The following CRISPLD2 variants were observed in gnomAD, a reference collection of about 807,000 sequenced individuals.
CRISPLD2 encodes the protein cysteine-rich secretory protein LCCL domain-containing 2.
A neutral mutation model predicts 71.1 loss-of-function variants in CRISPLD2; 47 were observed. The ratio of observed to expected loss-of-function variants is 0.66; its 90% CI spans 0.52 to 0.84. The LOEUF is 0.84. Ranked by LOEUF, CRISPLD2 falls within the 40% of genes least tolerant of loss-of-function variation. CRISPLD2 has a pLI of 0.00. For synonymous variants in CRISPLD2, 317 were observed against 250.1 expected (o/e 1.27, Z -2.52); for missense variants, 830 against 651.1 (o/e 1.27, Z -2.99).
chr16:84,848,278 G>A (rs550948663), intron 3 of CRISPLD2, among the ~76,000 whole-genome samples: 15 of 152,294 alleles, frequency 9.8e-5, no homozygotes, highest in East Asian at 9.7e-4. Flanking sequence ...GCCCGCTGCC[G>A]TGCGCTCCGC....
At chr16:84,905,507 C>G (rs563659140) in intron 14 of CRISPLD2, among the ~76,000 whole-genome samples, 4 of 151,826 alleles carry the variant, frequency 2.6e-5, no homozygotes, top group East Asian at 3.9e-4. Flanking sequence ...TCAAGTGATT[C>G]TCCTGCCTCA....
At chr16:84,850,409 A>G (rs1917052503) in intron 4 of CRISPLD2, among the ~76,000 whole-genome samples, 159 bp from the exon 5 acceptor site, 1 of 152,128 alleles carries the variant, frequency 6.6e-6, no homozygotes, top group Non-Finnish European at 1.5e-5. Context: ...CTTTTTAAGA[A>G]AATGTATGTA....
chr16:84,891,625 T>G (rs2071663591), intron 14 of CRISPLD2, among the ~76,000 whole-genome samples: 1 of 138,082 alleles, frequency 7.2e-6, no homozygotes, highest in Non-Finnish European at 1.5e-5. Flanking sequence ...TGTACCCTCT[T>G]TGAGAGAAAA....
rs201351334 is a variant in CRISPLD2 at position 84,877,517 on chromosome 16, C to G, written c.1229+7C>G. On this transcript the variant is annotated splice_region_variant and intron_variant, in intron 12 of 14. Coordinates refer to ENST00000262424, the MANE Select transcript of CRISPLD2 (RefSeq NM_031476.4). ...CAGCAACTCACTGCCCAAGGTAAGG[C>G]GGGCCTGATCTGTCATCTTTTCTAT... is the stretch of plus-strand genomic sequence containing the variant. 4 of 1,613,248 alleles carry G rather than the reference C, an allele frequency of 2.5e-6. No homozygotes were observed. Among genetic ancestry groups the G allele is most frequent in the East Asian group, 2.2e-5 (1 of 44,850 alleles).
rs2143402507 is a variant in CRISPLD2, at chr16:84,906,830, A to T, written c.*188A>T. The T allele has an allele frequency of 2.8e-6, 2 of 721,240 alleles. No individual in the cohort carries two copies. The highest frequency in any genetic ancestry group is 1.7e-5 in the African/African-American group (1 of 57,318). 44.7% of individuals were successfully genotyped at this position (721,240 alleles called of 1,614,324 possible). A position where few individuals can be genotyped will look rare whatever the true frequency, so the allele number is the denominator to read the frequency against. On this transcript the variant is annotated 3_prime_UTR_variant, in exon 15 of 15. Coordinates refer to ENST00000262424, the MANE Select transcript of CRISPLD2 (RefSeq NM_031476.4). ...CCCTCACTGAAGCAACAGCATCCCA[A>T]GGTGCTCAGCCGGACTCCCTGGTGC...
At chr16:84,887,226 A>G (rs1018499790) in intron 13 of CRISPLD2, among the ~76,000 whole-genome samples, 6 of 152,202 alleles carry the variant, frequency 3.9e-5, no homozygotes, top group Non-Finnish European at 8.8e-5. Flanking sequence ...TGAGTGACCC[A>G]TTGGTGGGGG....
intron 14 of CRISPLD2, among the ~76,000 whole-genome samples, chr16:84,898,158 T>C (rs779812245): frequency 6.9e-4 from 105 of 152,330 alleles, no homozygotes; most frequent in Middle Eastern, 3.4e-3. Flanking sequence ...CTGTGCACTT[T>C]CTTGCCGATT....
chr16:84,889,171 T>C, intron 13 of CRISPLD2, 59 bp from the exon 14 acceptor site: 1 of 1,611,934 alleles, frequency 6.2e-7, no homozygotes, highest in Non-Finnish European at 8.5e-7. Flanking sequence ...GAGCCCCAGC[T>C]GGCTTGACCC....
At chr16:84,899,516 GGGGAATTTTTCTTGGTGCCCAAACCTGC>G (rs2071735047) in intron 14 of CRISPLD2, among the ~76,000 whole-genome samples, 1 of 152,310 alleles carries the variant, frequency 6.6e-6, no homozygotes. Context: ...CACTGAAGGT[GGGGAATTTTTCTTGGTGCCCAAACCTGC>G]GGGAATTTTT....
At chr16:84,840,664 G>A (rs1206319775) in intron 2 of CRISPLD2, among the ~76,000 whole-genome samples, 1 of 151,962 alleles carries the variant, frequency 6.6e-6, no homozygotes, top group East Asian at 1.9e-4. Context: ...GCACCACCAC[G>A]CCAGGCTAAT....
rs534697985 is a variant in CRISPLD2 at position 84,908,562 on chromosome 16, C to T, written c.*1920C>T. 2 of 152,308 alleles carry T rather than the reference C, an allele frequency of 1.3e-5. No individual in the cohort carries two copies. Among genetic ancestry groups the T allele is most frequent in the East Asian group, 3.9e-4 (2 of 5,180 alleles). The allele number at this position is 152,308 out of a possible 1,614,324, so 9.4% of individuals were successfully genotyped here. On this transcript the variant is annotated 3_prime_UTR_variant, in exon 15 of 15. Transcript: ENST00000262424. The stretch of plus-strand genomic sequence containing the variant: ...CATCCCACTCAAGGGAGACTTGAAA[C>T]TTCCAGTGTGAGTTGACCCCATCAT...
chr16:84,872,606 C>A, intron 9 of CRISPLD2, 98 bp downstream of exon 9: 1 of 1,063,542 alleles, frequency 9.4e-7, no homozygotes, highest in Non-Finnish European at 1.4e-6. Context: ...ATTTTCTTTC[C>A]ACTCCTTAGT....
intron 13 of CRISPLD2, among the ~76,000 whole-genome samples, chr16:84,882,018 G>A (rs2071572776): frequency 6.6e-6 from 1 of 152,088 alleles, no homozygotes; most frequent in South Asian, 2.1e-4. Flanking sequence ...CTAAAATTGA[G>A]TTATAAGAGT....
intron 1 of CRISPLD2, among the ~76,000 whole-genome samples, chr16:84,832,518 T>C (rs1049654953): frequency 6.6e-6 from 1 of 152,280 alleles, no homozygotes; most frequent in African/African-American, 2.4e-5. Context: ...AAACACTGAC[T>C]TAGACATCGA....
rs1163951557 is a variant in CRISPLD2 at position 84,849,374 on chromosome 16, C to T, written c.360-11C>T. The stretch of plus-strand genomic sequence containing the variant: ...GGGGCTGGGACTGAGTGAGCGGTTT[C>T]TGCCCTGCAGGTATCGCTCTCCGGG... On this transcript the variant is annotated splice_polypyrimidine_tract_variant and intron_variant, in intron 3 of 14. Coordinates refer to ENST00000262424, the MANE Select transcript of CRISPLD2 (RefSeq NM_031476.4). The T allele has an allele frequency of 1.9e-6, 3 of 1,609,400 alleles. No homozygotes were observed. The highest frequency in any genetic ancestry group is 1.3e-5 in the African/African-American group (1 of 74,872).
At chr16:84,820,524 A>T (rs372960434) in intron 1 of CRISPLD2, among the ~76,000 whole-genome samples, 2 of 152,126 alleles carry the variant, frequency 1.3e-5, no homozygotes, top group Non-Finnish European at 2.9e-5. Flanking sequence ...CAGGCATTAG[A>T]ATGTGTCCTA....
chr16:84,877,913 G>C (rs536781905), intron 12 of CRISPLD2, among the ~76,000 whole-genome samples: 20 of 151,436 alleles, frequency 1.3e-4, no homozygotes, highest in African/African-American at 4.6e-4. Flanking sequence ...CCACCCATTA[G>C]AAGTAAACGA....
At chr16:84,856,072 C>T (rs565111161) in intron 6 of CRISPLD2, among the ~76,000 whole-genome samples, 50 of 152,362 alleles carry the variant, frequency 3.3e-4, no homozygotes, top group Non-Finnish European at 6.0e-4. Context: ...CCTTCTTCTA[C>T]TGCCCATTCT....
chr16:84,890,547 C>A (rs1434456457), intron 14 of CRISPLD2, among the ~76,000 whole-genome samples: 1 of 152,116 alleles, frequency 6.6e-6, no homozygotes, highest in Non-Finnish European at 1.5e-5. Context: ...GGGAGCAGAT[C>A]CTCCCCTAGT....
Sources: allele counts gnomAD v4.1 joint callset (sites outside exome capture counted in the v4.1 genomes callset), GRCh38; gene constraint gnomAD v4.1.1; transcripts MANE v1.5; gene names NCBI Gene and HGNC (gene_info 2026-07-23, HGNC 2026-07-21).